Variants in C2CD2 observed in about 807,000 individuals in gnomAD.
The protein encoded by C2CD2 is C2 calcium dependent domain containing 2.
In C2CD2, 43 loss-of-function variants were observed where a neutral mutation model predicts 74.3. The observed-to-expected ratio is 0.58, with a 90% CI of 0.45 to 0.75. The LOEUF (loss-of-function observed/expected upper bound fraction) is 0.75, where lower values mean the gene tolerates loss of function less well. C2CD2 is among the 30% of genes least tolerant of loss of function. C2CD2 has a pLI of 0.00. For missense variants in C2CD2, 801 were observed against 916.3 expected (o/e 0.87, Z 1.63); for synonymous variants, 422 against 390.7 (o/e 1.08, Z -0.94).
Position 41,886,028 on chromosome 21 carries a change from A to G in C2CD2, c.*3096T>C, listed in dbSNP as rs1455731423. The G allele has an allele frequency of 6.6e-6, 1 of 152,328 alleles. No homozygotes were observed. Among genetic ancestry groups the G allele is most frequent in the Non-Finnish European group, 1.5e-5 (1 of 68,028 alleles). The allele number at this position is 152,328 out of a possible 1,614,324, so 9.4% of individuals were successfully genotyped here. On this transcript the variant is annotated 3_prime_UTR_variant, in exon 14 of 14. Transcript: ENST00000380486. The stretch of plus-strand genomic sequence containing the variant: ...AACACACGCGTGTGTGCAAACACAC[A>G]TAACACACACACACACTTAAAGCTC...
rs1278091686 is a variant in C2CD2, at chr21:41,885,664, T to G, written c.*3460A>C. 6.6e-6 allele frequency: 1 copy of G among 152,102 alleles called. No homozygotes were observed. The highest frequency in any genetic ancestry group is 3.5e-3 in the Middle Eastern group (1 of 288). The allele number at this position is 152,102 out of a possible 1,614,324, so 9.4% of individuals were successfully genotyped here. ...TGTCCTGCCTTCCACCATCCACCAATTTGTACTCTGAAGTTTCCAGATCAA... is the reference window on the plus strand; with the variant it reads ...TGTCCTGCCTTCCACCATCCACCAAGTTGTACTCTGAAGTTTCCAGATCAA... On this transcript the variant is annotated 3_prime_UTR_variant, in exon 14 of 14. Coordinates refer to ENST00000380486, the MANE Select transcript of C2CD2 (RefSeq NM_015500.2).
In C2CD2 at chr21:41,953,895, C is replaced by A. The variant is rs1411444786; in HGVS notation, c.-247G>T. On this transcript the variant is annotated 5_prime_UTR_variant, in exon 1 of 14. Transcript: ENST00000380486. ...CTGCGGAACAGGGGCGCGAGCGGAC[C>A]CCGCGGCCCGCGCTCCCGACTCGGC... 5.0e-6 allele frequency: 1 copy of A among 200,540 alleles called. No individual in the cohort carries two copies. The highest frequency in any genetic ancestry group is 2.4e-5 in the African/African-American group (1 of 42,454). 12.4% of individuals were successfully genotyped at this position (200,540 alleles called of 1,614,324 possible). A position where few individuals can be genotyped will look rare whatever the true frequency, so the allele number is the denominator to read the frequency against.
rs1318819526 is a variant in C2CD2, at chr21:41,888,614, T to C, written c.*510A>G. ...ATCCTGCCTATGTTCCACTTCCCTG[T>C]ACTCAGGGCCAGCTGCATTTTTTAT... On this transcript the variant is annotated 3_prime_UTR_variant, in exon 14 of 14. Transcript: ENST00000380486. The C allele has an allele frequency of 1.2e-5, 2 of 165,824 alleles. No individual in the cohort carries two copies. Among genetic ancestry groups the C allele is most frequent in the African/African-American group, 4.8e-5 (2 of 41,662 alleles). 10.3% of individuals were successfully genotyped at this position (165,824 alleles called of 1,614,324 possible).
intron 13 of C2CD2, among the ~76,000 whole-genome samples, chr21:41,896,727 A>AC (rs1237155193): frequency 6.6e-6 from 1 of 151,698 alleles, no homozygotes; most frequent in Non-Finnish European, 1.5e-5. Flanking sequence ...AAAAAAAAAA[A>AC]AACAAGCTTT....
chr21:41,920,025 C>A (rs2065138535), intron 3 of C2CD2, among the ~76,000 whole-genome samples: 1 of 152,164 alleles, frequency 6.6e-6, no homozygotes, highest in Admixed American at 6.5e-5. Flanking sequence ...GAGGAAGGCA[C>A]CCTGAGCCAA....
At position 41,919,112 on chromosome 21, in the gene C2CD2, G is replaced by A. The variant is rs189548941; in HGVS notation, c.493-152C>T. 1.3e-3 allele frequency: 833 copies of A among 644,542 alleles called. 9 individuals are homozygous for A. The highest frequency in any genetic ancestry group is 7.7e-4 in the African/African-American group (43 of 55,664). The allele number at this position is 644,542 out of a possible 1,614,324, so 39.9% of individuals were successfully genotyped here. On this transcript the variant is annotated intron_variant, in intron 3 of 13. Transcript: ENST00000380486. Reference sequence around the variant, plus strand: ...CATATATGAGTGCATGTGAGTGTGCGTGTATGCGCATGTGTGCATATGAGC... The same window carrying A: ...CATATATGAGTGCATGTGAGTGTGCATGTATGCGCATGTGTGCATATGAGC...
intron 11 of C2CD2, among the ~76,000 whole-genome samples, chr21:41,905,120 G>A (rs1392234768): frequency 6.6e-6 from 1 of 152,098 alleles, no homozygotes; most frequent in African/African-American, 2.4e-5. Context: ...TGTAGCTAGC[G>A]TGTTGTGCAA....
intron 13 of C2CD2, chr21:41,894,993 C>T (rs1167276818): frequency 4.4e-6 from 2 of 456,020 alleles, no homozygotes; most frequent in African/African-American, 4.0e-5. Flanking sequence ...GGCTGCAGCA[C>T]CCGGAGATTC....
chr21:41,942,045 A>T, intron 2 of C2CD2, 102 bp downstream of exon 2: 1 of 1,418,596 alleles, frequency 7.0e-7, no homozygotes, highest in Non-Finnish European at 9.4e-7. Flanking sequence ...TTTTTTTCCT[A>T]GTGTAAGGGT....
At position 41,953,639 on chromosome 21, in the gene C2CD2, C is replaced by G. The variant is rs1197103136; in HGVS notation, c.10G>C (p.Ala4Pro). 9 of 1,466,602 alleles carry G rather than the reference C, an allele frequency of 6.1e-6. No homozygotes were observed. Among genetic ancestry groups the G allele is most frequent in the Non-Finnish European group, 8.1e-6 (9 of 1,117,840 alleles). The allele number at this position is 1,466,602 out of a possible 1,614,324, so 90.8% of individuals were successfully genotyped here. A position where few individuals can be genotyped will look rare whatever the true frequency, so the allele number is the denominator to read the frequency against. Reference sequence around the variant, plus strand: ...TCCCCGAGCCACGAGCCCAGCCGGGCCATGGCCATGGCGCATCCCCGGCCC... The same window carrying G: ...TCCCCGAGCCACGAGCCCAGCCGGGGCATGGCCATGGCGCATCCCCGGCCC... MAM[A>P]RLGSWLGEAQ... Residue 4 changes from alanine (A) to proline (P), a missense_variant, in exon 1 of 14, where the codon GCC becomes CCC. Physicochemically the swap from Ala to Pro is conservative, Grantham distance 27. Transcript: ENST00000380486.
intron 13 of C2CD2, among the ~76,000 whole-genome samples, chr21:41,891,132 G>C (rs2064748131): frequency 8.8e-6 from 1 of 113,390 alleles, no homozygotes; most frequent in South Asian, 2.6e-4. Context: ...GAATGAAAAA[G>C]GTGGGTAAGT....
intron 7 of C2CD2, among the ~76,000 whole-genome samples, chr21:41,910,126 G>A (rs993175448): frequency 3.9e-5 from 6 of 151,926 alleles, no homozygotes; most frequent in Non-Finnish European, 5.9e-5. Context: ...GAGCCGCCGC[G>A]CCCAGCCTGT....
At chr21:41,952,484 A>T (rs1811813655) in intron 1 of C2CD2, among the ~76,000 whole-genome samples, 1 of 152,256 alleles carries the variant, frequency 6.6e-6, no homozygotes, top group Non-Finnish European at 1.5e-5. Context: ...AGGGCGGAGC[A>T]GCGGCCAAGA....
Position 41,892,991 on chromosome 21 carries a change from G to A in C2CD2, c.1871-3647C>T, listed in dbSNP as rs930280340. Among the ~76,000 whole-genome samples the A allele has an allele frequency of 1.3e-5, 2 of 152,164 alleles. No homozygotes were observed. Among genetic ancestry groups the A allele is most frequent in the South Asian group, 2.1e-4 (1 of 4,824 alleles). On this transcript the variant is annotated intron_variant, in intron 13 of 13. Transcript: ENST00000380486. This position sits in a 1 kb window ranked among gnomAD's most constrained non-coding sequence, Gnocchi z 4.6. ...ATGGGTGTGGAGACAGGCAAGGCAC[G>A]GCTGTGTTCAAAAGACCTTAGAACA... is the stretch of plus-strand genomic sequence containing the variant.
intron 2 of C2CD2, among the ~76,000 whole-genome samples, chr21:41,932,902 G>C (rs1418854415): frequency 6.6e-6 from 1 of 150,394 alleles, no homozygotes; most frequent in Non-Finnish European, 1.5e-5. Flanking sequence ...AAGGCATCCA[G>C]TGGGCACGGC....
chr21:41,931,627 T>C (rs1353505816), intron 2 of C2CD2, among the ~76,000 whole-genome samples: 1 of 149,908 alleles, frequency 6.7e-6, no homozygotes, highest in Non-Finnish European at 1.5e-5. Context: ...TTCACCATGT[T>C]GGCCAGGATG....
At chr21:41,920,574 G>A (rs1016114977) in intron 3 of C2CD2, among the ~76,000 whole-genome samples, 1 of 152,190 alleles carries the variant, frequency 6.6e-6, no homozygotes, top group African/African-American at 2.4e-5. Flanking sequence ...TAATTGTTTT[G>A]ACACAGACAG....
rs773896544 is a variant in C2CD2, at chr21:41,899,208, G to A, written c.1715C>T (p.Pro572Leu). The A allele has an allele frequency of 1.6e-5, 26 of 1,612,300 alleles. No individual in the cohort carries two copies. The highest frequency in any genetic ancestry group is 1.7e-5 in the Admixed American group (1 of 59,830). ...EAESAQASLA[P>L]KPQEDELDSW... ...GTCTAGCTCGTCCTCCTGGGGCTTG[G>A]GGGCAAGGGATGCCTGGGCTGACTC... The change falls in exon 13 of 14, where the codon CCC becomes CTC. Residue 572 changes from proline (P) to leucine (L), a missense_variant. Transcript: ENST00000380486. This position sits in a 1 kb window ranked among gnomAD's most constrained non-coding sequence, Gnocchi z 4.4.
intron 2 of C2CD2, among the ~76,000 whole-genome samples, chr21:41,936,597 G>A (rs530968108): frequency 4.4e-4 from 67 of 152,208 alleles, no homozygotes; most frequent in African/African-American, 1.6e-3. Flanking sequence ...TGGGTATACT[G>A]TTAACCCTTG....
Sources: gnomAD v4.1 joint callset for allele counts (sites outside exome capture counted in the v4.1 genomes callset) on GRCh38, gnomAD v4.1.1 for gene constraint, Gnocchi (gnomAD v3.1) non-coding constraint, MANE v1.5 for transcripts, NCBI Gene and HGNC (gene_info 2026-07-23, HGNC 2026-07-21) for gene names.